OTOL1: variants seen among roughly 807,000 people sequenced by gnomAD.
OTOL1 encodes the protein otolin 1.
In OTOL1, 31 loss-of-function variants were observed where a neutral mutation model predicts 25.0. The observed-to-expected ratio is 1.24, with a 90% CI of 0.93 to 1.67. The LOEUF (loss-of-function observed/expected upper bound fraction) is 1.67. Ranked by LOEUF, OTOL1 falls within the 40% of genes most tolerant of loss-of-function variation. The pLI is 0.00. For missense variants in OTOL1, 654 were observed against 587.7 expected, an observed-to-expected ratio of 1.11 and a Z score of -1.17; for synonymous variants, 225 against 210.3, an observed-to-expected ratio of 1.07 and a Z score of -0.61.
intron 1 of OTOL1, 71 bp from the exon 2 acceptor site, chr3:161,499,100 T>A: frequency 8.0e-7 from 1 of 1,245,082 alleles, no homozygotes; most frequent in South Asian, 1.3e-5. Flanking sequence ...AAATGCTTTT[T>A]TTCTTTCCTG....
chr3:161,502,920 G>T (rs1294832744), intron 3 of OTOL1, 106 bp from the exon 4 acceptor site: 11 of 828,410 alleles, frequency 1.3e-5, no homozygotes, highest in Non-Finnish European at 1.8e-5. Context: ...AAAGAATCAG[G>T]TTTCCTAATT....
intron 1 of OTOL1, among the ~76,000 whole-genome samples, chr3:161,498,757 T>C (rs1035655349): frequency 2.6e-5 from 4 of 152,138 alleles, no homozygotes; most frequent in South Asian, 2.1e-4. Flanking sequence ...GCTTGGTGTA[T>C]AGGATGCCTC....
chr3:161,502,197 A>C (rs1718990668), intron 2 of OTOL1, 110 bp from the exon 3 acceptor site: 6 of 958,632 alleles, frequency 6.3e-6, no homozygotes, highest in Non-Finnish European at 8.1e-6. Flanking sequence ...ATTTAACTTT[A>C]GCCCATTTTG....
chr3:161,503,628 A>G lies in OTOL1; in HGVS notation c.1120A>G (p.Ser374Gly), dbSNP rs771603000. The G allele has an allele frequency of 1.6e-5, 26 of 1,613,888 alleles. No homozygotes were observed. Among genetic ancestry groups the G allele is most frequent in the Non-Finnish European group, 2.0e-5 (24 of 1,179,860 alleles). Residue 374 changes from serine (S) to glycine (G), a missense_variant, in exon 4 of 4, where the codon AGT becomes GGT. Coordinates refer to ENST00000327928, the MANE Select transcript of OTOL1 (RefSeq NM_001080440.1). ...TCTCTATAATGACCAAGGGAATTACAGTCCTGTCACTGGGAAGTTTAACTG... is the reference window on the plus strand; with the variant it reads ...TCTCTATAATGACCAAGGGAATTACGGTCCTGTCACTGGGAAGTTTAACTG... ...KILYNDQGNY[S>G]PVTGKFNCSI...
At chr3:161,500,675 G>A (rs1327380857) in intron 2 of OTOL1, among the ~76,000 whole-genome samples, 1 of 152,220 alleles carries the variant, frequency 6.6e-6, no homozygotes, top group African/African-American at 2.4e-5. Flanking sequence ...GTATAACTCT[G>A]TGTGGTGAAG....
chr3:161,498,166 T>A (rs895704007), intron 1 of OTOL1, among the ~76,000 whole-genome samples: 1 of 152,086 alleles, frequency 6.6e-6, no homozygotes, highest in Non-Finnish European at 1.5e-5. Flanking sequence ...TTACCAGAAG[T>A]CTTAGTATCC....
In OTOL1 at chr3:161,503,568, C is replaced by T. The variant is rs866413661; in HGVS notation, c.1060C>T (p.Pro354Ser). 5.0e-6 allele frequency: 8 copies of T among 1,613,884 alleles called. No homozygotes were observed. In the Middle Eastern group the frequency reaches 1.2e-3, roughly 233 times the overall value. Residue 354 changes from proline (P) to serine (S), a missense_variant, in exon 4 of 4, where the codon CCT (proline) becomes TCT (serine). Physicochemically the swap from Pro to Ser is moderately conservative, Grantham distance 74 (BLOSUM62 -1). Transcript: ENST00000327928. The part of the protein sequence containing the change: ...AFSAGLSKPF[P>S]PPNIPIKFEK... The stretch of plus-strand genomic sequence containing the variant: ...CAGCGCTGGTTTGTCAAAGCCATTT[C>T]CTCCTCCTAACATCCCCATCAAATT...
Position 161,503,816 on chromosome 3 carries a change from T to C in OTOL1, c.1308T>C (p.Ser436=), listed in dbSNP as rs373220934. 94 of 1,613,792 alleles carry C rather than the reference T, an allele frequency of 5.8e-5. No homozygotes were observed. The African/African-American group carries it at 1.1e-3, about 19-fold the overall frequency. The part of the protein sequence containing the change: ...QASLLVILKL[S]AGDQVWLEVS... ...CTCTCCTCGTCATCTTGAAATTAAGTGCAGGAGACCAAGTCTGGCTTGAGG... is the reference window on the plus strand; with the variant it reads ...CTCTCCTCGTCATCTTGAAATTAAGCGCAGGAGACCAAGTCTGGCTTGAGG... The change falls in exon 4 of 4, where the codon AGT becomes AGC. Residue 436 remains serine (S), a synonymous_variant. Coordinates refer to ENST00000327928, the MANE Select transcript of OTOL1 (RefSeq NM_001080440.1).
At position 161,503,281 on chromosome 3, in the gene OTOL1, AG is replaced by A. The variant is rs753667291; in HGVS notation, c.779del (p.Gly260ValfsTer2). 8.2e-6 allele frequency: 11 copies of A among 1,341,710 alleles called. No individual in the cohort carries two copies. The highest frequency in any genetic ancestry group is 1.8e-5 in the African/African-American group (1 of 54,914). The allele number at this position is 1,341,710 out of a possible 1,614,324, so 83.1% of individuals were successfully genotyped here. A position where few individuals can be genotyped will look rare whatever the true frequency, so the allele number is the denominator to read the frequency against. Reference protein sequence around the residue: ...GERGGKGQKGEGGMKGEKGSK... With the variant: ...GERGGKGQKGXGGMKGEKGSK... ...AGGGGAGGAAAAGGACAGAAAGGTG[AG>A]GGGGGTATGAAAGGGGAAAAAGGTA... is the stretch of plus-strand genomic sequence containing the variant. On this transcript the variant is annotated frameshift_variant, in exon 4 of 4. Coordinates refer to ENST00000327928, the MANE Select transcript of OTOL1 (RefSeq NM_001080440.1). LOFTEE classifies it low-confidence loss of function (END_TRUNC).
In OTOL1 at chr3:161,497,035, T is replaced by G; in HGVS notation, c.228T>G (p.Asp76Glu). The change falls in exon 1 of 4, where the codon GAT (aspartate) becomes GAG (glutamate). Residue 76 changes from aspartate (D) to glutamate (E), a missense_variant. Asp to Glu is a conservative substitution (Grantham distance 45). Coordinates refer to ENST00000327928, the MANE Select transcript of OTOL1 (RefSeq NM_001080440.1). ...AEPITKPSAL[D>E]SVFGTATLSP... ...CAATTACCAAACCCTCGGCCTTGGA[T>G]TCTGTCTTTGGCACTGCCACTCTCT... 1 of 1,613,720 alleles carries G rather than the reference T, an allele frequency of 6.2e-7. No homozygotes were observed. Among genetic ancestry groups the G allele is most frequent in the Non-Finnish European group, 8.5e-7 (1 of 1,179,702 alleles).
Position 161,503,212 on chromosome 3 carries a change from AG to A in OTOL1, c.709del (p.Glu237ArgfsTer25), listed in dbSNP as rs1719018916. 4 of 637,308 alleles carry A rather than the reference AG, an allele frequency of 6.3e-6. No homozygotes were observed. In the South Asian group the frequency reaches 8.2e-5, roughly 13 times the overall value. The allele number at this position is 637,308 out of a possible 1,614,324, so 39.5% of individuals were successfully genotyped here. A position where few individuals can be genotyped will look rare whatever the true frequency, so the allele number is the denominator to read the frequency against. ...AKGEKGEMGE[K>X]GEMGDKGCCG... is the part of the protein sequence containing the mutation. Reference sequence around the variant, plus strand: ...GGAGAGAAGGGGGAGATGGGGGAGAAGGGGGAGATGGGGGATAAGGGCTGCT... The same window carrying A: ...GGAGAGAAGGGGGAGATGGGGGAGAAGGGGAGATGGGGGATAAGGGCTGCT... On this transcript the variant is annotated frameshift_variant, in exon 4 of 4. Coordinates refer to ENST00000327928, the MANE Select transcript of OTOL1 (RefSeq NM_001080440.1). LOFTEE classifies it low-confidence loss of function (END_TRUNC).
chr3:161,497,232 G>A (rs1297649413), intron 1 of OTOL1, 61 bp downstream of exon 1: 14 of 1,530,900 alleles, frequency 9.1e-6, no homozygotes, highest in Non-Finnish European at 1.1e-5. Context: ...TGAGAGGTAG[G>A]TTGTCGGGTG....
At position 161,499,230 on chromosome 3, in the gene OTOL1, C is replaced by T. The variant is rs1718913113; in HGVS notation, c.424C>T (p.Gln142Ter). ...AGGGCCACCAGGAGTTGTTGGGCCCCAAGGCCCTAGAGGCTACAAAGGAGA... is the reference window on the plus strand; with the variant it reads ...AGGGCCACCAGGAGTTGTTGGGCCCTAAGGCCCTAGAGGCTACAAAGGAGA... ...IPGPPGVVGP[Q>*]GPRGYKGEKG... The change falls in exon 2 of 4, where the codon CAA becomes TAA. Residue 142 changes from glutamine (Q) to a stop codon, truncating the protein, a stop_gained. Transcript: ENST00000327928. LOFTEE classifies it high-confidence loss of function. 2 of 1,610,902 alleles carry T rather than the reference C, an allele frequency of 1.2e-6. No homozygotes were observed. The highest frequency in any genetic ancestry group is 1.7e-5 in the Admixed American group (1 of 59,574).
At chr3:161,497,311 T>C in intron 1 of OTOL1, 140 bp downstream of exon 1, 2 of 952,760 alleles carry the variant, frequency 2.1e-6, no homozygotes, top group Non-Finnish European at 1.5e-6. Context: ...TTGTTACAAA[T>C]GTAAATGGGT....
At chr3:161,498,371 G>C (rs1718885735) in intron 1 of OTOL1, among the ~76,000 whole-genome samples, 1 of 152,042 alleles carries the variant, frequency 6.6e-6, no homozygotes, top group Non-Finnish European at 1.5e-5. Flanking sequence ...TAATTCCAAG[G>C]TGTGCCAAGT....
chr3:161,499,057 C>T (rs1506482), intron 1 of OTOL1, 114 bp from the exon 2 acceptor site: 253,416 of 818,652 alleles, frequency 0.31, 39,960 homozygotes, highest in African/African-American at 0.34. Flanking sequence ...TCAGATTTTA[C>T]CATTAGGTCA....
At chr3:161,499,138 T>C (rs762238892) in intron 1 of OTOL1, 33 bp from the exon 2 acceptor site, 268 of 1,510,430 alleles carry the variant, frequency 1.8e-4, no homozygotes, top group Non-Finnish European at 2.4e-4. Flanking sequence ...AGAGAAATTT[T>C]ATATTCTGAT....
chr3:161,497,451 G>A (rs62278291), intron 1 of OTOL1, among the ~76,000 whole-genome samples: 15,148 of 152,190 alleles, frequency 0.1, 817 homozygotes, highest in East Asian at 0.2. Context: ...AGCACAGATA[G>A]CATTTCCATC....
chr3:161,500,826 G>A (rs1240939320), intron 2 of OTOL1, among the ~76,000 whole-genome samples: 2 of 152,132 alleles, frequency 1.3e-5, no homozygotes, highest in African/African-American at 4.8e-5. Flanking sequence ...CATGCGGAGT[G>A]GTGTTGGGGT....
Sources: gnomAD v4.1 joint callset for allele counts (sites outside exome capture counted in the v4.1 genomes callset) on GRCh38, gnomAD v4.1.1 for gene constraint, MANE v1.5 for transcripts, NCBI Gene and HGNC (gene_info 2026-07-23, HGNC 2026-07-21) for gene names.